The following ANKRD18B variants were observed in gnomAD, a reference collection of about 807,000 sequenced individuals.
The protein encoded by ANKRD18B is ankyrin repeat domain-containing protein 18B.
A neutral mutation model predicts 111.8 loss-of-function variants in ANKRD18B; 75 were observed. The observed-to-expected ratio is 0.67, with a 90% CI of 0.56 to 0.81. ANKRD18B has a LOEUF of 0.81. Ranked by LOEUF, ANKRD18B falls within the 40% of genes least tolerant of loss-of-function variation. The pLI is 0.00. For synonymous variants in ANKRD18B, 356 were observed against 417.3 expected (o/e 0.85, Z 1.79); for missense variants, 1,038 against 1,225.5 (o/e 0.85, Z 2.28).
chr9:33,556,159 G>A (rs1828523361), intron 13 of ANKRD18B, among the ~76,000 whole-genome samples: 1 of 152,156 alleles, frequency 6.6e-6, no homozygotes, highest in South Asian at 2.1e-4. Context: ...TGAGCTGCTG[G>A]GGTGAGGTTG....
chr9:33,550,071 G>A lies in ANKRD18B; in HGVS notation c.2068-359G>A, dbSNP rs183189148. ...GGTCAGGGAGGGAGGTAGAGGCCATGTTACCTAGGGCCTTGAAGGCTGTTG... is the reference window on the plus strand; with the variant it reads ...GGTCAGGGAGGGAGGTAGAGGCCATATTACCTAGGGCCTTGAAGGCTGTTG... On this transcript the variant is annotated intron_variant, in intron 11 of 18. Coordinates refer to ENST00000684830, the MANE Select transcript of ANKRD18B (RefSeq NM_001393611.1). Among the ~76,000 whole-genome samples, 178 of 152,244 alleles carry A rather than the reference G, an allele frequency of 1.2e-3. 1 individual carries two copies. Among genetic ancestry groups the A allele is most frequent in the African/African-American group, 4.1e-3 (172 of 41,564 alleles).
chr9:33,526,633 AT>A (rs1214973172), intron 1 of ANKRD18B, among the ~76,000 whole-genome samples: 3 of 152,088 alleles, frequency 2.0e-5, no homozygotes, highest in Admixed American at 6.5e-5. Flanking sequence ...GATAAAAATA[AT>A]TTCTCACTAT....
chr9:33,541,664 C>T (rs559247559), intron 9 of ANKRD18B, among the ~76,000 whole-genome samples: 2 of 152,304 alleles, frequency 1.3e-5, no homozygotes, highest in East Asian at 1.9e-4. Flanking sequence ...CAACATTATA[C>T]TGTAGCCTGG....
intron 12 of ANKRD18B, among the ~76,000 whole-genome samples, chr9:33,550,828 C>T (rs560943218): frequency 1.4e-3 from 214 of 152,300 alleles, no homozygotes; most frequent in African/African-American, 4.8e-3. Flanking sequence ...AATGATACAT[C>T]ATTCCTCACA....
intron 12 of ANKRD18B, among the ~76,000 whole-genome samples, chr9:33,553,789 A>G (rs1828481403): frequency 6.6e-6 from 1 of 152,176 alleles, no homozygotes; most frequent in African/African-American, 2.4e-5. Flanking sequence ...ATTATAAAAG[A>G]AAAAAGGGCT....
chr9:33,552,634 C>A (rs564189982), intron 12 of ANKRD18B, among the ~76,000 whole-genome samples: 45 of 152,220 alleles, frequency 3.0e-4, no homozygotes, highest in African/African-American at 1.0e-3. Context: ...ATAAATTATA[C>A]ACTCCCCATT....
At chr9:33,524,987 A>G (rs935124136) in intron 1 of ANKRD18B, among the ~76,000 whole-genome samples, 1 of 152,232 alleles carries the variant, frequency 6.6e-6, no homozygotes, top group African/African-American at 2.4e-5. Flanking sequence ...AGCCATTTTC[A>G]GTAGGCGAAG....
At chr9:33,544,156 C>A (rs1417307751) in intron 10 of ANKRD18B, among the ~76,000 whole-genome samples, 2 of 152,108 alleles carry the variant, frequency 1.3e-5, no homozygotes, top group Non-Finnish European at 2.9e-5. Context: ...CTTCTGTGAA[C>A]CTATTTCTGT....
At position 33,566,376 on chromosome 9, in the gene ANKRD18B, T is replaced by C. The variant is rs1363097349; in HGVS notation, c.2618T>C (p.Val873Ala). 2.5e-6 allele frequency: 4 copies of C among 1,587,628 alleles called. No individual in the cohort carries two copies. The highest frequency in any genetic ancestry group is 1.1e-5 in the South Asian group (1 of 88,662). Residue 873 changes from valine to alanine, a missense_variant, in exon 15 of 19, where the codon GTA becomes GCA. Val to Ala is a moderately conservative substitution (Grantham distance 64). Around this residue, in one of 4 missense-constraint regions of ANKRD18B, gnomAD observed 524 missense variants for 677.9 expected, o/e 0.77. Transcript: ENST00000684830. ...GATAAAAAGATGTTGGAAGAAAAAG[T>C]ATTAAATCTTAAGACACATATGGAA... ...EKDKKMLEEK[V>A]LNLKTHMEKD...
downstream of ANKRD18B, chr9:33,574,512 G>C (rs1828831564): frequency 6.5e-6 from 1 of 152,708 alleles, no homozygotes; most frequent in African/African-American, 2.4e-5. Flanking sequence ...CACGACCTGG[G>C]TTCCACCTAG....
In ANKRD18B at chr9:33,567,135, G is replaced by A; in HGVS notation, c.2775G>A (p.Gln925=). 5.8e-6 allele frequency: 9 copies of A among 1,541,228 alleles called. No homozygotes were observed. The South Asian group carries it at 8.6e-5, about 15-fold the overall frequency. Residue 925 remains glutamine, a synonymous_variant, in exon 16 of 19, where the codon CAG becomes CAA. Transcript: ENST00000684830. ...KQAEYEKQLE[Q]LNKDNTASLK... ...CAGAATATGAAAAACAATTAGAGCAGTTAAACAAGGATAATACGGCTTCAC... is the reference window on the plus strand; with the variant it reads ...CAGAATATGAAAAACAATTAGAGCAATTAAACAAGGATAATACGGCTTCAC...
At chr9:33,532,178 G>C (rs1190652208) in intron 3 of ANKRD18B, among the ~76,000 whole-genome samples, 2 of 151,996 alleles carry the variant, frequency 1.3e-5, no homozygotes, top group African/African-American at 2.4e-5. Context: ...AGCTTGCAGT[G>C]AGCAGAGATC....
At chr9:33,529,734 C>A (rs944133092) in intron 3 of ANKRD18B, among the ~76,000 whole-genome samples, 2 of 152,072 alleles carry the variant, frequency 1.3e-5, no homozygotes, top group Non-Finnish European at 2.9e-5. Context: ...TGAGACAAAG[C>A]GCTCTTCAGC....
chr9:33,562,391 T>C (rs183822569), intron 14 of ANKRD18B, among the ~76,000 whole-genome samples: 3,149 of 150,942 alleles, frequency 0.021, 53 homozygotes, highest in South Asian at 0.061. Context: ...GCTAATCCTT[T>C]TCTTGGTGCA....
intron 18 of ANKRD18B, 187 bp from the exon 19 acceptor site, chr9:33,572,129 T>C: frequency 1.7e-6 from 1 of 580,398 alleles, no homozygotes; most frequent in Non-Finnish European, 3.1e-6. Context: ...AAAGCTGTGA[T>C]ATTTAACCAC....
Position 33,568,779 on chromosome 9 carries a change from T to G in ANKRD18B, c.3063T>G (p.Cys1021Trp). 1 of 1,551,442 alleles carries G rather than the reference T, an allele frequency of 6.4e-7. No individual in the cohort carries two copies. The highest frequency in any genetic ancestry group is 8.7e-7 in the Non-Finnish European group (1 of 1,146,774). Residue 1021 changes from cysteine (C) to tryptophan (W), a missense_variant, in exon 17 of 19, where the codon TGT (cysteine) becomes TGG (tryptophan). Physicochemically the swap from Cys to Trp is radical, Grantham distance 215 (BLOSUM62 -2). This residue lies in a region of ANKRD18B where 524 missense variants were observed against 677.9 expected (regional missense o/e 0.77). Transcript: ENST00000684830. ...LPMRPDPELP[C>W]VENLNSIELN... ...TGAGGCCAGACCCAGAGTTACCTTG[T>G]GTTGAAAATCTTAATAGTATAGAAC...
intron 10 of ANKRD18B, among the ~76,000 whole-genome samples, chr9:33,546,688 T>C (rs539788534): frequency 6.6e-6 from 1 of 152,300 alleles, no homozygotes; most frequent in African/African-American, 2.4e-5. Flanking sequence ...TGGTAATTGA[T>C]GTAATTCAGC....
rs775314247 is a variant in ANKRD18B, at chr9:33,555,825, G to A, written c.2330+5G>A. On this transcript the variant is annotated splice_donor_5th_base_variant and intron_variant, in intron 13 of 18. Transcript: ENST00000684830. ...ATTAGAAGAAGAGGCAACTGGGTAT[G>A]GTTTTCATATTGTAGAACATTTTAG... The A allele has an allele frequency of 4.5e-6, 6 of 1,346,070 alleles. No individual in the cohort carries two copies. The highest frequency in any genetic ancestry group is 5.8e-6 in the Non-Finnish European group (6 of 1,039,910). The allele number at this position is 1,346,070 out of a possible 1,614,324, so 83.4% of individuals were successfully genotyped here. A position where few individuals can be genotyped will look rare whatever the true frequency, so the allele number is the denominator to read the frequency against.
chr9:33,528,371 T>C (rs148360096), intron 1 of ANKRD18B, among the ~76,000 whole-genome samples: 108 of 152,314 alleles, frequency 7.1e-4, no homozygotes, highest in African/African-American at 2.5e-3. Flanking sequence ...TTTATGAAGA[T>C]TTTCATTTAA....
Sources: allele counts gnomAD v4.1 joint callset (sites outside exome capture counted in the v4.1 genomes callset), GRCh38; gene constraint gnomAD v4.1.1; regional missense constraint gnomAD v4.1.1; transcripts MANE v1.5; gene names NCBI Gene and HGNC (gene_info 2026-07-23, HGNC 2026-07-21).